CCDC170: variants seen among roughly 807,000 people sequenced by gnomAD.
CCDC170 encodes the protein coiled-coil domain-containing protein 170.
CCDC170 carries 69 observed loss-of-function variants against 72.6 expected under a neutral mutation model. The observed-to-expected ratio is 0.95, with a 90% CI of 0.78 to 1.16. The LOEUF (loss-of-function observed/expected upper bound fraction) is 1.16, where lower values mean the gene tolerates loss of function less well. CCDC170 is among the 50% of genes most tolerant of loss of function. The probability of loss-of-function intolerance (pLI) is 0.00; values close to 1 mark genes in which losing one functional copy is unlikely to be tolerated. For missense variants in CCDC170, 852 were observed against 832.5 expected (o/e 1.02, Z -0.29); for synonymous variants, 300 against 303.9 (o/e 0.99, Z 0.13).
At chr6:151,511,484 T>C (rs185180804) in intron 1 of CCDC170, among the ~76,000 whole-genome samples, 1 of 152,340 alleles carries the variant, frequency 6.6e-6, no homozygotes, top group African/African-American at 2.4e-5. Context: ...TGTATATTCA[T>C]TCACCAGATA....
At chr6:151,518,904 A>G (rs1035244229) in intron 1 of CCDC170, among the ~76,000 whole-genome samples, 7 of 152,202 alleles carry the variant, frequency 4.6e-5, no homozygotes, top group African/African-American at 1.4e-4. Flanking sequence ...AAAAAGGAGA[A>G]TGAAGATCAC....
chr6:151,547,539 T>A (rs1411692473), intron 4 of CCDC170, among the ~76,000 whole-genome samples: 2 of 151,936 alleles, frequency 1.3e-5, no homozygotes, highest in Non-Finnish European at 2.9e-5. Context: ...GGGAACAGCA[T>A]GAGTTGGGAG....
chr6:151,540,490 A>G (rs1782671439), intron 3 of CCDC170, among the ~76,000 whole-genome samples: 1 of 142,556 alleles, frequency 7.0e-6, no homozygotes, highest in South Asian at 2.2e-4. Flanking sequence ...GGTTCAAGCA[A>G]TTCTTGTGAC....
intron 5 of CCDC170, among the ~76,000 whole-genome samples, chr6:151,568,024 C>T (rs577040976): frequency 9.8e-5 from 14 of 142,426 alleles, no homozygotes; most frequent in Admixed American, 6.7e-4. Context: ...GCAGGAGAAT[C>T]GCTTGAACCC....
In CCDC170 at chr6:151,596,428, C is replaced by G. The variant is rs376587476; in HGVS notation, c.1561C>G (p.Arg521Gly). ...IAQLEEEKQA[R>G]TALVVERDNA... ...CCAGCTGGAGGAGGAGAAGCAGGCA[C>G]GCACGGCCTTGGTGGTTGAGAGGGA... Residue 521 changes from arginine to glycine, a missense_variant, in exon 9 of 11, where the codon CGC becomes GGC. Arg to Gly is a moderately radical substitution (Grantham distance 125). Coordinates refer to ENST00000239374, the MANE Select transcript of CCDC170 (RefSeq NM_025059.4). 2 of 1,613,986 alleles carry G rather than the reference C, an allele frequency of 1.2e-6. No individual in the cohort carries two copies. The highest frequency in any genetic ancestry group is 2.7e-5 in the African/African-American group (2 of 74,890).
At chr6:151,612,063 T>G (rs995687982) in intron 9 of CCDC170, among the ~76,000 whole-genome samples, 3 of 152,210 alleles carry the variant, frequency 2.0e-5, no homozygotes, top group Non-Finnish European at 4.4e-5. Context: ...GATTCCTCAA[T>G]TTAGTGATAT....
In CCDC170 at chr6:151,615,463, T is replaced by C. The variant is rs1378862927; in HGVS notation, c.1731T>C (p.Thr577=). The C allele has an allele frequency of 1.9e-6, 3 of 1,613,764 alleles. No homozygotes were observed. In the Admixed American group the frequency reaches 5.0e-5, roughly 27 times the overall value. ...NELKIKTLEQ[T]KAIEDLNKSR... ...TCTAGATTAAAACTTTGGAACAGAC[T>C]AAAGCCATTGAAGATCTAAACAAAT... Residue 577 remains threonine, a synonymous_variant, in exon 10 of 11, where the codon ACT becomes ACC. Coordinates refer to ENST00000239374, the MANE Select transcript of CCDC170 (RefSeq NM_025059.4).
chr6:151,526,065 A>G (rs1485114327), intron 1 of CCDC170, among the ~76,000 whole-genome samples: 2 of 148,986 alleles, frequency 1.3e-5, no homozygotes, highest in Non-Finnish European at 3.0e-5. Flanking sequence ...CAGATCTGGT[A>G]CCAGTCCTTC....
chr6:151,604,758 T>G (rs947462797), intron 9 of CCDC170, among the ~76,000 whole-genome samples: 3 of 152,210 alleles, frequency 2.0e-5, no homozygotes, highest in African/African-American at 7.2e-5. Context: ...TTTTCTTTCA[T>G]TTTTAGTTTC....
At chr6:151,540,405 G>A (rs1234645308) in intron 3 of CCDC170, among the ~76,000 whole-genome samples, 4 of 20,258 alleles carry the variant, frequency 2.0e-4, no homozygotes, top group South Asian at 2.9e-3. Context: ...TTTTTTTTGT[G>A]ACAGAGTGTT....
intron 1 of CCDC170, among the ~76,000 whole-genome samples, chr6:151,525,184 G>A (rs1467490718): frequency 3.9e-5 from 6 of 152,070 alleles, no homozygotes; most frequent in Admixed American, 6.5e-5. Flanking sequence ...CGCCTGCCTC[G>A]GCCTCCCAAA....
At position 151,494,158 on chromosome 6, in the gene CCDC170, G is replaced by A. The variant is rs1273486935; in HGVS notation, c.30G>A (p.Ala10=). 6.6e-6 allele frequency: 10 copies of A among 1,523,250 alleles called. No homozygotes were observed. The East Asian group carries it at 1.9e-4, about 29-fold the overall frequency. The allele number at this position is 1,523,250 out of a possible 1,614,324, so 94.4% of individuals were successfully genotyped here. A position where few individuals can be genotyped will look rare whatever the true frequency, so the allele number is the denominator to read the frequency against. The change falls in exon 1 of 11, where the codon GCG becomes GCA. Residue 10 remains alanine (A), a synonymous_variant. Transcript: ENST00000239374. MSLDCTSHI[A]LGAASPAPEE... ...GCCTGGACTGCACCAGCCATATCGC[G>A]CTGGGTGCCGCTTCGCCAGCGCCCG...
intron 5 of CCDC170, among the ~76,000 whole-genome samples, chr6:151,554,094 C>A (rs1782932962): frequency 6.6e-6 from 1 of 152,116 alleles, no homozygotes; most frequent in South Asian, 2.1e-4. Context: ...AAATATATTA[C>A]TTAAAAATAT....
At position 151,615,446 on chromosome 6, in the gene CCDC170, A is replaced by T. The variant is rs765576338; in HGVS notation, c.1714A>T (p.Lys572Ter). 7.5e-6 allele frequency: 12 copies of T among 1,607,284 alleles called. No individual in the cohort carries two copies. The Admixed American group carries it at 8.4e-5, about 11-fold the overall frequency. Residue 572 changes from lysine to a stop codon, truncating the protein, a stop_gained, in exon 10 of 11, where the codon AAA becomes TAA. Coordinates refer to ENST00000239374, the MANE Select transcript of CCDC170 (RefSeq NM_025059.4). LOFTEE classifies it high-confidence loss of function. ...KLADTNELKI[K>*]TLEQTKAIED... Reference sequence around the variant, plus strand: ...CAGCATTCTCTTGACTTTCTAGATTAAAACTTTGGAACAGACTAAAGCCAT... The same window carrying T: ...CAGCATTCTCTTGACTTTCTAGATTTAAACTTTGGAACAGACTAAAGCCAT...
intron 1 of CCDC170, among the ~76,000 whole-genome samples, chr6:151,498,413 A>C (rs1484076615): frequency 6.6e-6 from 1 of 152,228 alleles, no homozygotes; most frequent in Non-Finnish European, 1.5e-5. Context: ...AATACATATA[A>C]CATAAAATTT....
chr6:151,499,029 A>G (rs1367319824), intron 1 of CCDC170, among the ~76,000 whole-genome samples: 3 of 144,008 alleles, frequency 2.1e-5, no homozygotes, highest in Non-Finnish European at 4.5e-5. Flanking sequence ...GGCACGCTGT[A>G]TAAGTGGAAT....
chr6:151,572,654 T>TTTTTTTTTTTTTTG (rs1776238196), intron 5 of CCDC170, among the ~76,000 whole-genome samples: 1 of 29,636 alleles, frequency 3.4e-5, no homozygotes, highest in African/African-American at 9.3e-5. Context: ...TCTGTGTTTT[T>TTTTTTTTTTTTTTG]TTTTTTTTTT....
intron 1 of CCDC170, among the ~76,000 whole-genome samples, chr6:151,525,226 C>G (rs892476792): frequency 2.7e-4 from 41 of 152,242 alleles, no homozygotes; most frequent in African/African-American, 9.9e-4. Context: ...GCCACCACAC[C>G]CAGCCTAGTC....
At chr6:151,601,435 T>G (rs1379222353) in intron 9 of CCDC170, among the ~76,000 whole-genome samples, 1 of 152,140 alleles carries the variant, frequency 6.6e-6, no homozygotes, top group Non-Finnish European at 1.5e-5. Context: ...TGTTGTACCA[T>G]GGATCAGTAC....
Sources: allele counts gnomAD v4.1 joint callset (sites outside exome capture counted in the v4.1 genomes callset), GRCh38; gene constraint gnomAD v4.1.1; transcripts MANE v1.5; gene names NCBI Gene and HGNC (gene_info 2026-07-23, HGNC 2026-07-21).